HERC2: variants seen among roughly 807,000 people sequenced by gnomAD.
HERC2 encodes the protein E3 ubiquitin-protein ligase HERC2.
Under a neutral mutation model 537.7 loss-of-function variants are expected in HERC2, and 102 were observed. The ratio of observed to expected loss-of-function variants is 0.19; its 90% CI spans 0.16 to 0.22. HERC2 has a LOEUF of 0.22. Ranked by LOEUF, HERC2 falls within the 10% of genes least tolerant of loss-of-function variation. The pLI, the probability that HERC2 is intolerant of heterozygous loss-of-function variation, is 1.00. For missense variants in HERC2, 4,236 were observed against 6,198.2 expected (o/e 0.68, Z 10.63); for synonymous variants, 2,224 against 2,466.2 (o/e 0.90, Z 2.91).
At chr15:28,206,560 G>A (rs571331875) in intron 44 of HERC2, among the ~76,000 whole-genome samples, 178 bp from the exon 45 acceptor site, 1 of 151,604 alleles carries the variant, frequency 6.6e-6, no homozygotes, top group East Asian at 1.9e-4. Context: ...TAGGTTGGGT[G>A]CGGTGGCTCA....
chr15:28,315,600 C>T (rs1014491893), intron 2 of HERC2: 3 of 493,986 alleles, frequency 6.1e-6, no homozygotes, highest in South Asian at 5.2e-5. Context: ...CAAGACCAGC[C>T]TGGGCAACAT....
At chr15:28,173,747 G>A (rs570166195) in intron 65 of HERC2, among the ~76,000 whole-genome samples, 1 of 147,142 alleles carries the variant, frequency 6.8e-6, no homozygotes, top group Non-Finnish European at 1.5e-5. Flanking sequence ...AAGCTGCAGT[G>A]AGCCAAAATC....
At chr15:28,235,132 T>C (rs1902289238) in intron 26 of HERC2, among the ~76,000 whole-genome samples, 1 of 152,052 alleles carries the variant, frequency 6.6e-6, no homozygotes, top group Non-Finnish European at 1.5e-5. Context: ...CAAAGCGGGA[T>C]GCACTTAGTG....
chr15:28,144,027 T>C (rs1407420649), intron 73 of HERC2, 36 bp from the exon 74 acceptor site: 16 of 1,613,992 alleles, frequency 9.9e-6, no homozygotes, highest in African/African-American at 6.7e-5. Flanking sequence ...AGAAGTCTGA[T>C]GGTTTCTTCC....
At chr15:28,247,808 C>A (rs1418456103) in intron 21 of HERC2, among the ~76,000 whole-genome samples, 1 of 152,162 alleles carries the variant, frequency 6.6e-6, no homozygotes, top group East Asian at 1.9e-4. Flanking sequence ...ATCAGCTCAC[C>A]TACTGAAACC....
intron 48 of HERC2, among the ~76,000 whole-genome samples, chr15:28,199,371 A>G (rs921348293): frequency 6.6e-6 from 1 of 152,220 alleles, no homozygotes; most frequent in Non-Finnish European, 1.5e-5. Context: ...CAGTGGAAAC[A>G]TCACACCCTA....
intron 37 of HERC2, 36 bp downstream of exon 37, chr15:28,220,416 G>T (rs1221279631): frequency 6.3e-7 from 1 of 1,587,762 alleles, no homozygotes; most frequent in Non-Finnish European, 8.6e-7. Flanking sequence ...CAGTTTGTGG[G>T]CTGCCTTGGA....
At chr15:28,126,773 G>T (rs1286958612) in intron 83 of HERC2, among the ~76,000 whole-genome samples, 1 of 152,078 alleles carries the variant, frequency 6.6e-6, no homozygotes, top group Non-Finnish European at 1.5e-5. Flanking sequence ...ACACTACTTG[G>T]GTGATGGGAG....
intron 2 of HERC2, among the ~76,000 whole-genome samples, chr15:28,317,097 A>AT (rs1237812055): frequency 1.1e-3 from 158 of 138,998 alleles, no homozygotes; most frequent in Admixed American, 2.3e-3. Context: ...TGAAGTGACA[A>AT]TTTTTTTTTT....
intron 2 of HERC2, among the ~76,000 whole-genome samples, chr15:28,306,718 A>T (rs1425388956): frequency 6.6e-6 from 1 of 152,174 alleles, no homozygotes; most frequent in Non-Finnish European, 1.5e-5. Context: ...TCTTTGCTGG[A>T]AGACTTTTTA....
chr15:28,320,058 A>G (rs1256060644), intron 2 of HERC2: 2 of 152,102 alleles, frequency 1.3e-5, no homozygotes, highest in Non-Finnish European at 2.9e-5. Context: ...TCTTGACCCA[A>G]TTCTCTGTAC....
In HERC2 at chr15:28,245,740, A is replaced by G. The variant is rs979400131; in HGVS notation, c.3577+141T>C. 6.6e-6 allele frequency: 5 copies of G among 752,766 alleles called. No homozygotes were observed. The African/African-American group carries it at 7.1e-5, about 11-fold the overall frequency. The allele number at this position is 752,766 out of a possible 1,614,324, so 46.6% of individuals were successfully genotyped here. A position where few individuals can be genotyped will look rare whatever the true frequency, so the allele number is the denominator to read the frequency against. The stretch of plus-strand genomic sequence containing the variant: ...ACCCAAATTTCTTCTGATTTGGATT[A>G]TCTCCATTTTTTACTTATACTACCA... On this transcript the variant is annotated intron_variant, in intron 23 of 92. Coordinates refer to ENST00000261609, the MANE Select transcript of HERC2 (RefSeq NM_004667.6).
At position 28,141,583 on chromosome 15, in the gene HERC2, T is replaced by A; in HGVS notation, c.11864A>T (p.Tyr3955Phe). 1 of 1,614,142 alleles carries A rather than the reference T, an allele frequency of 6.2e-7. No homozygotes were observed. Among genetic ancestry groups the A allele is most frequent in the Non-Finnish European group, 8.5e-7 (1 of 1,180,024 alleles). The change falls in exon 78 of 93, where the codon TAT becomes TTT. Residue 3955 changes from tyrosine (Y) to phenylalanine (F), a missense_variant. Physicochemically the swap from Tyr to Phe is conservative, Grantham distance 22. Around this residue, in one of 27 missense-constraint regions of HERC2, gnomAD observed 156 missense variants for 172.3 expected, o/e 0.91. Transcript: ENST00000261609. The part of the protein sequence containing the change: ...TLSAGGSGTI[Y>F]GWGHNHRGQL... ...GCCCCTGTGATTATGTCCCCATCCA[T>A]AAATTGTTCCACTGCCACCAGCAGA...
At chr15:28,235,654 C>T (rs1902354475) in intron 26 of HERC2, among the ~76,000 whole-genome samples, 1 of 152,202 alleles carries the variant, frequency 6.6e-6, no homozygotes, top group Admixed American at 6.5e-5. Context: ...TTCAGGACTG[C>T]TGCCAGTGTG....
intron 30 of HERC2, among the ~76,000 whole-genome samples, chr15:28,231,483 T>A (rs532199318): frequency 1.6e-3 from 250 of 152,318 alleles, no homozygotes; most frequent in African/African-American, 5.6e-3. Flanking sequence ...GGGCACTGCC[T>A]GCGTATGTGA....
At chr15:28,144,313 G>A in intron 72 of HERC2, 78 bp from the exon 73 acceptor site, 1 of 1,509,114 alleles carries the variant, frequency 6.6e-7, no homozygotes, top group Non-Finnish European at 9.0e-7. Context: ...ACGAACAAGG[G>A]TGGCTCCACC....
intron 5 of HERC2, among the ~76,000 whole-genome samples, chr15:28,276,055 C>T (rs965226974): frequency 1.3e-5 from 2 of 150,920 alleles, no homozygotes; most frequent in African/African-American, 2.4e-5. Context: ...GGTGTGGTGA[C>T]GGGTGCCTGT....
chr15:28,254,795 C>T (rs1166329400), intron 19 of HERC2, among the ~76,000 whole-genome samples: 1 of 152,266 alleles, frequency 6.6e-6, no homozygotes, highest in African/African-American at 2.4e-5. Context: ...AACCCTGCTA[C>T]TGGCTCTCAC....
chr15:28,263,795 G>T (rs1024165354), intron 14 of HERC2, among the ~76,000 whole-genome samples: 1 of 152,034 alleles, frequency 6.6e-6, no homozygotes, highest in African/African-American at 2.4e-5. Flanking sequence ...ACTTTGGGAG[G>T]CCAAGGCGGG....
Sources: gnomAD v4.1 joint callset for allele counts (sites outside exome capture counted in the v4.1 genomes callset) on GRCh38, gnomAD v4.1.1 for gene constraint, gnomAD v4.1.1 regional missense constraint, MANE v1.5 for transcripts, NCBI Gene and HGNC (gene_info 2026-07-23, HGNC 2026-07-21) for gene names.